HIBCH: variants seen among roughly 807,000 people sequenced by gnomAD.
HIBCH encodes 3-hydroxyisobutyryl-CoA hydrolase.
Under a neutral mutation model 58.2 loss-of-function variants are expected in HIBCH, and 50 were observed. That is an observed-to-expected ratio of 0.86 (90% CI 0.68 to 1.09). The LOEUF is 1.09. HIBCH is among the 50% of genes least tolerant of loss of function. HIBCH has a pLI of 0.00. For synonymous variants in HIBCH, 151 were observed against 146.9 expected (o/e 1.03, Z -0.20); for missense variants, 450 against 449.7 (o/e 1.00, Z -0.01).
chr2:190,259,497 C>T (rs1006985445), intron 7 of HIBCH, among the ~76,000 whole-genome samples: 1 of 151,902 alleles, frequency 6.6e-6, no homozygotes, highest in South Asian at 2.1e-4. Flanking sequence ...CAGCTGGAAC[C>T]ACAGGCACAC....
At chr2:190,271,147 C>T (rs1306362832) in intron 6 of HIBCH, among the ~76,000 whole-genome samples, 2 of 151,998 alleles carry the variant, frequency 1.3e-5, no homozygotes, top group African/African-American at 2.4e-5. Context: ...TATTCCATGG[C>T]CCAGCCTAGA....
intron 1 of HIBCH, among the ~76,000 whole-genome samples, chr2:190,192,520 T>C (rs1689765786): frequency 6.7e-6 from 1 of 149,012 alleles, no homozygotes; most frequent in African/African-American, 2.5e-5. Flanking sequence ...ATAAAACAAA[T>C]CCTGCTGGGA....
At position 190,281,781 on chromosome 2, in the gene HIBCH, C is replaced by G. The variant is rs1376730565; in HGVS notation, c.438+5805G>C. 6.6e-6 allele frequency among the ~76,000 whole-genome samples: 1 copy of G among 152,162 alleles called. No individual in the cohort carries two copies. The highest frequency in any genetic ancestry group is 1.5e-5 in the Non-Finnish European group (1 of 68,042). On this transcript the variant is annotated intron_variant, in intron 6 of 13. Coordinates refer to ENST00000359678, the MANE Select transcript of HIBCH (RefSeq NM_014362.4). The surrounding 1 kb of genome is among the most constrained non-coding windows in gnomAD (Gnocchi z 5.4). ...GCTATTAAAAGTAGCCATGCAGCAG[C>G]CTGAATGCTTTGCGGATTAGATAGA...
chr2:190,240,775 T>C (rs1032228661), intron 11 of HIBCH, among the ~76,000 whole-genome samples: 1 of 152,216 alleles, frequency 6.6e-6, no homozygotes, highest in East Asian at 1.9e-4. Flanking sequence ...TCACTTTCCA[T>C]GTATTGTGCG....
At chr2:190,274,093 C>A (rs1054706328) in intron 6 of HIBCH, among the ~76,000 whole-genome samples, 1 of 152,162 alleles carries the variant, frequency 6.6e-6, no homozygotes, top group Non-Finnish European at 1.5e-5. Context: ...TGTGCCACTG[C>A]GCCCGGCCTC....
chr2:190,297,865 T>C (rs1041555786), intron 2 of HIBCH, among the ~76,000 whole-genome samples: 7 of 152,160 alleles, frequency 4.6e-5, no homozygotes, highest in Non-Finnish European at 8.8e-5. Context: ...TTTTAAACCC[T>C]GCGTGCATTA....
intron 7 of HIBCH, among the ~76,000 whole-genome samples, chr2:190,256,881 G>A (rs1559037546): frequency 1.3e-5 from 2 of 152,076 alleles, no homozygotes; most frequent in Non-Finnish European, 2.9e-5. Context: ...TCTTGTAGAA[G>A]AGAAGATTAA....
At chr2:190,196,648 C>T (rs1448148948) in intron 1 of HIBCH, among the ~76,000 whole-genome samples, 1 of 151,116 alleles carries the variant, frequency 6.6e-6, no homozygotes, top group Non-Finnish European at 1.5e-5. Flanking sequence ...ATGTTATCTT[C>T]CTTTAAATGG....
intron 10 of HIBCH, chr2:190,245,497 T>C (rs1377006813): frequency 1.3e-5 from 2 of 154,440 alleles, no homozygotes; most frequent in Non-Finnish European, 2.9e-5. Context: ...CAAAATCTTT[T>C]TGCTGTTCAG....
Position 190,319,790 on chromosome 2 carries a change from T to TC in HIBCH, c.-41dup. The TC allele has an allele frequency of 6.3e-7, 1 of 1,598,412 alleles. No homozygotes were observed. Among genetic ancestry groups the TC allele is most frequent in the South Asian group, 1.1e-5 (1 of 88,206 alleles). On this transcript the variant is annotated 5_prime_UTR_variant, in exon 1 of 14. Transcript: ENST00000359678. ...AAGCTAAAGCAGCAGAGCGAGAATCTCCCGGACCGTTCCAGCGCCTCGCGT... is the reference window on the plus strand; with the variant it reads ...AAGCTAAAGCAGCAGAGCGAGAATCTCCCCGGACCGTTCCAGCGCCTCGCGT...
chr2:190,287,724 CA>C, intron 5 of HIBCH, 86 bp from the exon 6 acceptor site: 1 of 918,144 alleles, frequency 1.1e-6, no homozygotes, highest in Non-Finnish European at 1.7e-6. Flanking sequence ...TATATATACT[CA>C]AGATTTTCCC....
intron 2 of HIBCH, among the ~76,000 whole-genome samples, chr2:190,308,082 T>C (rs1359729444): frequency 6.6e-6 from 1 of 152,040 alleles, no homozygotes; most frequent in Non-Finnish European, 1.5e-5. Flanking sequence ...GGGATACATC[T>C]TCTCTACCCC....
At chr2:190,265,581 A>T (rs1443424377) in intron 6 of HIBCH, among the ~76,000 whole-genome samples, 1 of 151,776 alleles carries the variant, frequency 6.6e-6, no homozygotes, top group East Asian at 1.9e-4. Flanking sequence ...TGTTTCAAGG[A>T]TGTCTTGGAA....
intron 11 of HIBCH, among the ~76,000 whole-genome samples, chr2:190,226,601 A>T: frequency 1.4e-5 from 1 of 73,950 alleles, no homozygotes; most frequent in South Asian, 3.7e-4. Context: ...GTCTCAAAAA[A>T]AAAAAAAAAA....
chr2:190,247,474 C>T (rs1686643433), intron 9 of HIBCH, among the ~76,000 whole-genome samples: 1 of 152,148 alleles, frequency 6.6e-6, no homozygotes, highest in African/African-American at 2.4e-5. Flanking sequence ...GGTGGCCCTG[C>T]CAATCTGTAC....
chr2:190,288,174 T>TAA (rs72480573), intron 5 of HIBCH, among the ~76,000 whole-genome samples: 8 of 144,880 alleles, frequency 5.5e-5, no homozygotes, highest in African/African-American at 1.3e-4. Context: ...TTTTTTTTTT[T>TAA]AAAAAAAGGA....
intron 1 of HIBCH, among the ~76,000 whole-genome samples, chr2:190,311,421 A>G (rs1022250788): frequency 1.3e-5 from 2 of 152,148 alleles, no homozygotes; most frequent in Admixed American, 1.3e-4. Context: ...TTTTCCATCA[A>G]CTTATAACTA....
chr2:190,204,542 G>A lies in HIBCH; in HGVS notation c.*575C>T, dbSNP rs1690341841. On this transcript the variant is annotated 3_prime_UTR_variant, in exon 14 of 14. Transcript: ENST00000359678. ...GGAGCTCTTCTGCTACAGTAACTCAGTTACTTTAAAACACACTCATATATG... is the reference window on the plus strand; with the variant it reads ...GGAGCTCTTCTGCTACAGTAACTCAATTACTTTAAAACACACTCATATATG... 6.6e-6 allele frequency: 1 copy of A among 152,504 alleles called. No homozygotes were observed. The highest frequency in any genetic ancestry group is 2.4e-5 in the African/African-American group (1 of 41,448). 9.4% of individuals were successfully genotyped at this position (152,504 alleles called of 1,614,324 possible). A position where few individuals can be genotyped will look rare whatever the true frequency, so the allele number is the denominator to read the frequency against.
chr2:190,249,863 A>G (rs926814439), intron 8 of HIBCH, 137 bp from the exon 9 acceptor site: 2 of 669,038 alleles, frequency 3.0e-6, no homozygotes, highest in African/African-American at 3.7e-5. Flanking sequence ...TCACTGAAAG[A>G]AATTTTGACT....
Sources: allele counts gnomAD v4.1 joint callset (sites outside exome capture counted in the v4.1 genomes callset), GRCh38; gene constraint gnomAD v4.1.1; non-coding constraint Gnocchi (gnomAD v3.1); transcripts MANE v1.5; gene names NCBI Gene and HGNC (gene_info 2026-07-23, HGNC 2026-07-21).